Variants in LRRC9 observed in about 807,000 individuals in gnomAD.
LRRC9 encodes leucine rich repeat containing 9, also known as leucine-rich repeat-containing protein 9.
In LRRC9, 122 loss-of-function variants were observed where a neutral mutation model predicts 63.2. That is an observed-to-expected ratio of 1.93 (90% CI 1.67 to 2.24). The LOEUF is 2.24. LRRC9 is among the 30% of genes most tolerant of loss of function. LRRC9 has a pLI of 0.00. For synonymous variants in LRRC9, 366 were observed against 213.1 expected (o/e 1.72, Z -6.25); for missense variants, 1,071 against 627.7 (o/e 1.71, Z -7.55).
Position 59,975,148 on chromosome 14 carries a change from T to TAC in LRRC9, c.1639+441_1639+442insCA, listed in dbSNP as rs1405939429. ...ATATGTATATATATATACATATATA[T>TAC]ATGTATATATATATATGTATATATA... On this transcript the variant is annotated intron_variant, in intron 13 of 31. Transcript: ENST00000445360. Among the ~76,000 whole-genome samples, 68 of 20,432 alleles carry TAC rather than the reference T, an allele frequency of 3.3e-3. 6 individuals are homozygous for TAC. The highest frequency in any genetic ancestry group is 5.5e-3 in the Non-Finnish European group (35 of 6,402). The allele number at this position is 20,432 out of a possible 152,430, so 13.4% of individuals were successfully genotyped here.
Position 59,966,762 on chromosome 14 carries a change from C to A in LRRC9, c.1385C>A (p.Ser462Ter). ...TTGGAGAATGAAGATATGCATGATT[C>A]AGAGTAAGAAGCTGAATTCTTTATG... The change falls in exon 11 of 32, where the codon TCA (serine) becomes TAA (stop). Residue 462 changes from serine (S) to a stop codon, truncating the protein, a stop_gained. Coordinates refer to ENST00000445360, the Ensembl canonical transcript of LRRC9. LOFTEE classifies it high-confidence loss of function. This position sits in a 1 kb window ranked among gnomAD's most constrained non-coding sequence, Gnocchi z 4.0. The A allele has an allele frequency of 1.6e-6, 1 of 634,454 alleles. No individual in the cohort carries two copies. The allele number at this position is 634,454 out of a possible 1,614,324, so 39.3% of individuals were successfully genotyped here.
intron 30 of LRRC9, among the ~76,000 whole-genome samples, chr14:60,056,073 T>C (rs542644748): frequency 3.9e-5 from 6 of 152,290 alleles, no homozygotes; most frequent in Admixed American, 2.6e-4. Context: ...TCACTTCCCC[T>C]TCTCTCTGAC....
chr14:59,925,204 C>T (rs1889110630), intron 1 of LRRC9, among the ~76,000 whole-genome samples: 1 of 152,168 alleles, frequency 6.6e-6, no homozygotes, highest in African/African-American at 2.4e-5. Context: ...ATCCCTCCTT[C>T]TTGACTCAGT....
intron 17 of LRRC9, among the ~76,000 whole-genome samples, chr14:59,989,683 G>A (rs1887848539): frequency 6.6e-6 from 1 of 151,972 alleles, no homozygotes; most frequent in Non-Finnish European, 1.5e-5. Context: ...ATTAACCTCT[G>A]TCTTCCCCCT....
At chr14:59,957,270 C>T (rs1400362586) in intron 8 of LRRC9, among the ~76,000 whole-genome samples, 1 of 152,126 alleles carries the variant, frequency 6.6e-6, no homozygotes. Context: ...CCCCAATCAA[C>T]CAGAGATTTG....
At chr14:59,935,154 G>A (rs1017576619) in intron 6 of LRRC9, among the ~76,000 whole-genome samples, 15 of 150,454 alleles carry the variant, frequency 1.0e-4, no homozygotes, top group Admixed American at 2.0e-4. Context: ...ATAGCCAGGC[G>A]TGGTGGTGGG....
At chr14:59,983,238 A>G (rs117203223) in intron 16 of LRRC9, among the ~76,000 whole-genome samples, 1,717 of 152,328 alleles carry the variant, frequency 0.011, 15 homozygotes, top group Middle Eastern at 0.024. Context: ...TATTCATTAT[A>G]TAACTGAATA....
downstream of LRRC9, among the ~76,000 whole-genome samples, chr14:60,066,797 A>T (rs141110898): frequency 6.6e-6 from 1 of 152,172 alleles, no homozygotes; most frequent in Non-Finnish European, 1.5e-5. Flanking sequence ...TCCATTGTGA[A>T]TAAAATTGTT....
In LRRC9 at chr14:59,942,778, C is replaced by T. The variant is rs150663; in HGVS notation, c.727-1811C>T. Among the ~76,000 whole-genome samples the T allele has an allele frequency of 0.42, 62,032 of 148,168 alleles. 13,197 individuals carry two copies. The highest frequency in any genetic ancestry group is 0.6 in the East Asian group (2,956 of 4,896). Reference sequence around the variant, plus strand: ...CATCCTCGCCAGCATCTCTCTCTCTCTTTTTTTTTTCTGTCTTTTTGATAA... The same window carrying T: ...CATCCTCGCCAGCATCTCTCTCTCTTTTTTTTTTTTCTGTCTTTTTGATAA... On this transcript the variant is annotated intron_variant, in intron 7 of 31. Coordinates refer to ENST00000445360, the Ensembl canonical transcript of LRRC9. This position sits in a 1 kb window ranked among gnomAD's most constrained non-coding sequence, Gnocchi z 5.3.
chr14:60,016,176 A>C (rs1473545062), intron 23 of LRRC9, among the ~76,000 whole-genome samples: 1 of 151,830 alleles, frequency 6.6e-6, no homozygotes, highest in Admixed American at 6.6e-5. Context: ...CACATCTTTC[A>C]GTATTCTTAT....
intron 5 of LRRC9, 82 bp from the exon 6 acceptor site, chr14:59,931,887 G>A (rs1889732676): frequency 9.2e-6 from 6 of 653,544 alleles, no homozygotes; most frequent in African/African-American, 5.5e-5. Flanking sequence ...TGCAAGAAAC[G>A]ATGGCTACAT....
chr14:60,054,031 C>A (rs1038293234), intron 30 of LRRC9: 5 of 406,884 alleles, frequency 1.2e-5, no homozygotes, highest in Non-Finnish European at 1.9e-5. Flanking sequence ...TAAGTGAAAA[C>A]CAGAAACCAA....
At chr14:60,055,356 T>G (rs1193959006) in intron 30 of LRRC9, among the ~76,000 whole-genome samples, 1 of 152,346 alleles carries the variant, frequency 6.6e-6, no homozygotes, top group South Asian at 2.1e-4. Context: ...CAGGCCCCAG[T>G]CTTTCAAAAG....
chr14:60,034,203 G>C (rs1307945333), intron 29 of LRRC9, among the ~76,000 whole-genome samples: 1 of 151,362 alleles, frequency 6.6e-6, no homozygotes, highest in Non-Finnish European at 1.5e-5. Flanking sequence ...ATTTTTAGTA[G>C]AGACAGAGTT....
intron 31 of LRRC9, among the ~76,000 whole-genome samples, chr14:60,059,782 A>T (rs1436666740): frequency 6.6e-6 from 1 of 152,236 alleles, no homozygotes; most frequent in Non-Finnish European, 1.5e-5. Flanking sequence ...ACGAACTATT[A>T]TATCAGGCAA....
rs1894431971 is a variant in LRRC9, at chr14:60,058,364, A to G, written c.4276+342A>G. 6.6e-6 allele frequency among the ~76,000 whole-genome samples: 1 copy of G among 152,116 alleles called. No homozygotes were observed. The highest frequency in any genetic ancestry group is 1.5e-5 in the Non-Finnish European group (1 of 68,004). On this transcript the variant is annotated intron_variant, in intron 31 of 31. Coordinates refer to ENST00000445360, the Ensembl canonical transcript of LRRC9. This position sits in a 1 kb window ranked among gnomAD's most constrained non-coding sequence, Gnocchi z 4.4. ...GATGTCAGAGCAAACAACTACTAAAACCAGTTCATTAGTGCATCCTGCTAA... is the reference window on the plus strand; with the variant it reads ...GATGTCAGAGCAAACAACTACTAAAGCCAGTTCATTAGTGCATCCTGCTAA...
chr14:60,066,429 T>C (rs1387683688), downstream of LRRC9, among the ~76,000 whole-genome samples: 1 of 152,112 alleles, frequency 6.6e-6, no homozygotes, highest in Non-Finnish European at 1.5e-5. Context: ...AATATTCTAT[T>C]AGTAGAAGCA....
At position 59,958,022 on chromosome 14, in the gene LRRC9, G is replaced by A. The variant is rs1883953204; in HGVS notation, c.883-1796G>A. Among the ~76,000 whole-genome samples the A allele has an allele frequency of 6.6e-6, 1 of 152,324 alleles. No individual in the cohort carries two copies. The highest frequency in any genetic ancestry group is 1.9e-4 in the East Asian group (1 of 5,184). On this transcript the variant is annotated intron_variant, in intron 8 of 31. Transcript: ENST00000445360. This position sits in a 1 kb window ranked among gnomAD's most constrained non-coding sequence, Gnocchi z 4.0. ...GAAGCTTCATCCTGAAGGAGCACTG[G>A]CCTGATGCCAACCAGAGCTCTCCTG...
chr14:60,029,267 C>G (rs188891477), intron 28 of LRRC9, among the ~76,000 whole-genome samples: 1 of 152,112 alleles, frequency 6.6e-6, no homozygotes, highest in African/African-American at 2.4e-5. Flanking sequence ...CAATGACACA[C>G]AGGGCCCAGG....
Sources: allele counts gnomAD v4.1 joint callset (sites outside exome capture counted in the v4.1 genomes callset), GRCh38; gene constraint gnomAD v4.1.1; non-coding constraint Gnocchi (gnomAD v3.1); transcripts MANE v1.5; gene names NCBI Gene and HGNC (gene_info 2026-07-23, HGNC 2026-07-21).